Variants in SPOP observed in about 807,000 individuals in gnomAD.
SPOP encodes speckle-type POZ protein.
A neutral mutation model predicts 45.6 loss-of-function variants in SPOP; 11 were observed. The observed-to-expected ratio is 0.24, with a 90% CI of 0.15 to 0.40. SPOP has a LOEUF of 0.40. Among genes scored for constraint, SPOP ranks in the 10% least tolerant of loss-of-function variants. The pLI is 1.00. For missense variants in SPOP, 152 were observed against 465.6 expected (o/e 0.33, Z 6.20); for synonymous variants, 166 against 166.3 (o/e 1.00, Z 0.01).
At chr17:49,649,466 G>C (rs1248839429) in intron 1 of SPOP, among the ~76,000 whole-genome samples, 4 of 151,966 alleles carry the variant, frequency 2.6e-5, no homozygotes, top group African/African-American at 7.2e-5. Flanking sequence ...AAACCGGGAG[G>C]GGGAGGTTGC....
At chr17:49,642,257 A>C (rs995835240) in intron 1 of SPOP, among the ~76,000 whole-genome samples, 1 of 152,102 alleles carries the variant, frequency 6.6e-6, no homozygotes, top group Admixed American at 6.6e-5. Context: ...AAAAGAAAGA[A>C]TCATGCAAAA....
intron 5 of SPOP, among the ~76,000 whole-genome samples, chr17:49,613,678 A>G (rs2072023754): frequency 6.6e-6 from 1 of 152,240 alleles, no homozygotes; most frequent in Admixed American, 6.5e-5. Context: ...TTCTGTAGAT[A>G]TATAGATGCC....
At chr17:49,628,118 G>C (rs559827565) in intron 1 of SPOP, among the ~76,000 whole-genome samples, 1 of 152,342 alleles carries the variant, frequency 6.6e-6, no homozygotes, top group African/African-American at 2.4e-5. Flanking sequence ...GCAGCAGACA[G>C]CTAAAGCCAA....
intron 5 of SPOP, chr17:49,612,818 A>G (rs1249988449): frequency 6.6e-6 from 1 of 152,236 alleles, no homozygotes; most frequent in African/African-American, 2.4e-5. Context: ...TCCTAACAGT[A>G]AGATGAGAAA....
intron 1 of SPOP, among the ~76,000 whole-genome samples, chr17:49,666,739 A>G (rs1450755984): frequency 2.0e-5 from 3 of 152,146 alleles, no homozygotes; most frequent in Non-Finnish European, 4.4e-5. Context: ...GAGGCAGGAG[A>G]ATCACTTGAA....
chr17:49,612,332 T>TA (rs2071991839), intron 5 of SPOP, among the ~76,000 whole-genome samples: 1 of 152,224 alleles, frequency 6.6e-6, no homozygotes, highest in South Asian at 2.1e-4. Context: ...CCACTGTCAG[T>TA]AAGGACCAGA....
chr17:49,664,450 C>T (rs898026683), intron 1 of SPOP, among the ~76,000 whole-genome samples: 11 of 151,930 alleles, frequency 7.2e-5, no homozygotes, highest in African/African-American at 1.7e-4. Flanking sequence ...ATTATGTTAA[C>T]GAGAAAGGTT....
At chr17:49,605,583 G>A (rs939591377) in intron 8 of SPOP, among the ~76,000 whole-genome samples, 2 of 151,902 alleles carry the variant, frequency 1.3e-5, no homozygotes, top group South Asian at 2.1e-4. Context: ...TCAGCTACTC[G>A]GGAGGCTGAG....
At chr17:49,622,596 AG>A in intron 2 of SPOP, 136 bp downstream of exon 2, 1 of 722,914 alleles carries the variant, frequency 1.4e-6, no homozygotes, top group Non-Finnish European at 2.3e-6. Flanking sequence ...GAGGCTAACA[AG>A]TATCTTATCT....
chr17:49,623,293 C>T (rs1349399740), intron 1 of SPOP, among the ~76,000 whole-genome samples: 1 of 152,126 alleles, frequency 6.6e-6, no homozygotes, highest in Admixed American at 6.5e-5. Flanking sequence ...CAGGCGTGAG[C>T]CACCGCACCC....
chr17:49,670,804 A>G (rs935466424), intron 1 of SPOP, among the ~76,000 whole-genome samples: 2 of 152,328 alleles, frequency 1.3e-5, no homozygotes, highest in Admixed American at 1.3e-4. Flanking sequence ...TTTACGGCCT[A>G]TCTGAAATTT....
Position 49,666,490 on chromosome 17 carries a change from CACA to C in SPOP, c.-67+11440_-67+11442del, listed in dbSNP as rs1567804335. On this transcript the variant is annotated intron_variant, in intron 1 of 9. Transcript: ENST00000504102. ...ACACACACACACACACACACACACACACACCCATATAGGAACAATATAATAAAT... is the reference window on the plus strand; with the variant it reads ...ACACACACACACACACACACACACACCCCATATAGGAACAATATAATAAAT... Among the ~76,000 whole-genome samples the C allele has an allele frequency of 4.8e-4, 65 of 134,332 alleles. 1 individual carries two copies. The South Asian group carries it at 7.3e-3, about 15-fold the overall frequency. 88.1% of individuals were successfully genotyped at this position (134,332 alleles called of 152,430 possible).
At chr17:49,630,810 A>T (rs573079356) in intron 1 of SPOP, among the ~76,000 whole-genome samples, 1 of 152,348 alleles carries the variant, frequency 6.6e-6, no homozygotes, top group East Asian at 1.9e-4. Flanking sequence ...ATACCAAGTG[A>T]ATCTAGAGAT....
intron 1 of SPOP, among the ~76,000 whole-genome samples, chr17:49,631,132 T>C (rs1191390367): frequency 6.6e-6 from 1 of 152,200 alleles, no homozygotes; most frequent in Non-Finnish European, 1.5e-5. Flanking sequence ...CTTCTAGAAA[T>C]GTATCCCTAC....
chr17:49,600,087 A>G lies in SPOP; in HGVS notation c.*291T>C, dbSNP rs146448668. 2.7e-6 allele frequency: 1 copy of G among 368,252 alleles called. No homozygotes were observed. The highest frequency in any genetic ancestry group is 2.0e-5 in the African/African-American group (1 of 49,806). The allele number at this position is 368,252 out of a possible 1,614,324, so 22.8% of individuals were successfully genotyped here. A position where few individuals can be genotyped will look rare whatever the true frequency, so the allele number is the denominator to read the frequency against. ...TGCAGACAGGTGTCTCCGAAGTACC[A>G]CCGCTGGGATATCCTCGGGCCAGCG... On this transcript the variant is annotated 3_prime_UTR_variant, in exon 10 of 10. Transcript: ENST00000504102. The surrounding 1 kb of genome is among the most constrained non-coding windows in gnomAD (Gnocchi z 4.2).
At chr17:49,609,269 G>GT (rs1236073049) in intron 6 of SPOP, among the ~76,000 whole-genome samples, 1 of 152,096 alleles carries the variant, frequency 6.6e-6, no homozygotes, top group African/African-American at 2.4e-5. Context: ...CTGAACTTCA[G>GT]TATTTTAATT....
At chr17:49,628,125 C>T (rs1253142324) in intron 1 of SPOP, among the ~76,000 whole-genome samples, 3 of 152,180 alleles carry the variant, frequency 2.0e-5, no homozygotes, top group Non-Finnish European at 4.4e-5. Context: ...ACAGCTAAAG[C>T]CAAAATATAT....
Position 49,637,630 on chromosome 17 carries a change from C to T in SPOP, c.-66-14754G>A, listed in dbSNP as rs149453636. On this transcript the variant is annotated intron_variant, in intron 1 of 9. Coordinates refer to ENST00000504102, the MANE Select transcript of SPOP (RefSeq NM_001007228.2). Reference sequence around the variant, plus strand: ...CCTCCCAAAGTGCTGGGATTATAGGCGTGAGCCACTGCGCCCAGCCCCAAG... The same window carrying T: ...CCTCCCAAAGTGCTGGGATTATAGGTGTGAGCCACTGCGCCCAGCCCCAAG... Among the ~76,000 whole-genome samples the T allele has an allele frequency of 6.0e-3, 910 of 152,254 alleles. 12 individuals are homozygous for T. The highest frequency in any genetic ancestry group is 0.019 in the African/African-American group (790 of 41,558).
intron 1 of SPOP, among the ~76,000 whole-genome samples, chr17:49,648,525 CA>C (rs1335608690): frequency 6.6e-6 from 1 of 152,108 alleles, no homozygotes; most frequent in African/African-American, 2.4e-5. Context: ...TGACCATAGC[CA>C]AAAGTAGTAG....
Sources: gnomAD v4.1 joint callset for allele counts (sites outside exome capture counted in the v4.1 genomes callset) on GRCh38, gnomAD v4.1.1 for gene constraint, Gnocchi (gnomAD v3.1) non-coding constraint, MANE v1.5 for transcripts, NCBI Gene and HGNC (gene_info 2026-07-23, HGNC 2026-07-21) for gene names.